MKRN2: variants seen among roughly 807,000 people sequenced by gnomAD.
The protein encoded by MKRN2 is makorin ring finger protein 2, also known as E3 ubiquitin-protein ligase makorin-2.
Under a neutral mutation model 45.4 loss-of-function variants are expected in MKRN2, and 32 were observed. That is an observed-to-expected ratio of 0.70 (90% CI 0.53 to 0.95). The LOEUF (loss-of-function observed/expected upper bound fraction) is 0.95. MKRN2 is among the 40% of genes least tolerant of loss of function. MKRN2 has a pLI of 0.00. For missense variants in MKRN2, 526 were observed against 536.7 expected, an observed-to-expected ratio of 0.98 and a Z score of 0.20; for synonymous variants, 206 against 192.4, an observed-to-expected ratio of 1.07 and a Z score of -0.59.
chr3:12,576,938 T>TGTTTTTG (rs1553608766), intron 6 of MKRN2, 197 bp downstream of exon 6: 1 of 226,964 alleles, frequency 4.4e-6, no homozygotes. Context: ...TTGGTGTTTT[T>TGTTTTTG]TTTTTTTTTT....
chr3:12,560,266 C>T (rs566776394), intron 1 of MKRN2, among the ~76,000 whole-genome samples: 12 of 152,214 alleles, frequency 7.9e-5, no homozygotes, highest in Admixed American at 7.2e-4. Flanking sequence ...GGCTCAGTGA[C>T]TTAAATAACT....
In MKRN2 at chr3:12,582,881, A is replaced by G. The variant is rs1397199532; in HGVS notation, c.*628A>G. ...TCTTGTTGCCACATGTGCAGCAAACAAAGTGGAAGTATAGATCTTCTTCTC... is the reference window on the plus strand; with the variant it reads ...TCTTGTTGCCACATGTGCAGCAAACGAAGTGGAAGTATAGATCTTCTTCTC... On this transcript the variant is annotated 3_prime_UTR_variant, in exon 8 of 8. Transcript: ENST00000170447. The G allele has an allele frequency of 2.0e-5, 3 of 152,644 alleles. No individual in the cohort carries two copies. The highest frequency in any genetic ancestry group is 3.8e-4 in the East Asian group (2 of 5,200). 9.5% of individuals were successfully genotyped at this position (152,644 alleles called of 1,614,324 possible).
chr3:12,563,695 G>T (rs79092432), intron 1 of MKRN2, among the ~76,000 whole-genome samples: 1 of 10,870 alleles, frequency 9.2e-5, no homozygotes, highest in African/African-American at 3.9e-4. Context: ...TCACCATGTT[G>T]GCCAGGCTGG....
Position 12,582,809 on chromosome 3 carries a change from G to T in MKRN2, c.*556G>T. 6.5e-6 allele frequency: 1 copy of T among 152,868 alleles called. No individual in the cohort carries two copies. Among genetic ancestry groups the T allele is most frequent in the Non-Finnish European group, 1.5e-5 (1 of 68,448 alleles). The allele number at this position is 152,868 out of a possible 1,614,324, so 9.5% of individuals were successfully genotyped here. A position where few individuals can be genotyped will look rare whatever the true frequency, so the allele number is the denominator to read the frequency against. On this transcript the variant is annotated 3_prime_UTR_variant, in exon 8 of 8. Coordinates refer to ENST00000170447, the MANE Select transcript of MKRN2 (RefSeq NM_014160.5). ...AACTTTTTTCTAGGGCTTTAAGGGT[G>T]GTCATTTTTTTCAAGTTCTCTCAAG... is the stretch of plus-strand genomic sequence containing the variant.
chr3:12,560,327 A>C (rs1488045638), intron 1 of MKRN2, among the ~76,000 whole-genome samples: 3 of 152,038 alleles, frequency 2.0e-5, no homozygotes. Context: ...TCACCACCAC[A>C]CTGTACTTCA....
In MKRN2 at chr3:12,557,111, AGAGGCG is replaced by A. The variant is rs2057980317; in HGVS notation, c.-38_-33del. On this transcript the variant is annotated 5_prime_UTR_variant, in exon 1 of 8. Transcript: ENST00000170447. ...CAAGGCCGAGGCGGCAGCGGCTGCG[AGAGGCG>A]GCGGCACGACGACGGTCCCTCAGCC... is the stretch of plus-strand genomic sequence containing the variant. The A allele has an allele frequency of 2.3e-5, 34 of 1,462,350 alleles. No individual in the cohort carries two copies. Among genetic ancestry groups the A allele is most frequent in the Non-Finnish European group, 3.1e-5 (34 of 1,106,784 alleles). 90.6% of individuals were successfully genotyped at this position (1,462,350 alleles called of 1,614,324 possible).
intron 2 of MKRN2, 78 bp downstream of exon 2, chr3:12,569,081 AT>A (rs2058084261): frequency 6.7e-7 from 1 of 1,483,894 alleles, no homozygotes; most frequent in African/African-American, 1.4e-5. Flanking sequence ...GGAAATTTTA[AT>A]GTAAAAGTAA....
At position 12,572,162 on chromosome 3, in the gene MKRN2, C is replaced by T. The variant is rs768823128; in HGVS notation, c.431C>T (p.Pro144Leu). The T allele has an allele frequency of 7.4e-6, 12 of 1,614,010 alleles. No homozygotes were observed. Among genetic ancestry groups the T allele is most frequent in the East Asian group, 2.2e-5 (1 of 44,880 alleles). ...SDPQPSPEMK[P>L]HSYLDAIRSG... ...CCCCAGCCCAGCCCCGAGATGAAGC[C>T]GCATTCCTACCTGGATGCCATCAGG... is the stretch of plus-strand genomic sequence containing the variant. The change falls in exon 4 of 8, where the codon CCG becomes CTG. Residue 144 changes from proline (P) to leucine (L), a missense_variant. Transcript: ENST00000170447.
Position 12,581,958 on chromosome 3 carries a change from G to T in MKRN2, c.1113+6G>T, listed in dbSNP as rs775613158. ...GTTCTCAAGGCACTGTGAGGGTAAG[G>T]ACTTTAGCCATCTCTAGTTGGGGAC... On this transcript the variant is annotated splice_donor_region_variant and intron_variant, in intron 7 of 7. Transcript: ENST00000170447. The T allele has an allele frequency of 6.2e-7, 1 of 1,613,448 alleles. No homozygotes were observed. Among genetic ancestry groups the T allele is most frequent in the Admixed American group, 1.7e-5 (1 of 59,998 alleles).
intron 1 of MKRN2, chr3:12,560,937 CAT>C (rs1039160962): frequency 6.6e-6 from 1 of 152,186 alleles, no homozygotes; most frequent in African/African-American, 2.4e-5. Flanking sequence ...ATCAGTATAA[CAT>C]AGATGGAGAG....
At chr3:12,558,683 G>C (rs946506010) in intron 1 of MKRN2, among the ~76,000 whole-genome samples, 1 of 152,108 alleles carries the variant, frequency 6.6e-6, no homozygotes, top group Non-Finnish European at 1.5e-5. Flanking sequence ...GGATCATCTT[G>C]GTTTTTTCCT....
chr3:12,578,997 T>C (rs1318599027), intron 6 of MKRN2, among the ~76,000 whole-genome samples: 1 of 151,898 alleles, frequency 6.6e-6, no homozygotes, highest in African/African-American at 2.4e-5. Context: ...TCCCAGCCTG[T>C]AGAAAGGGGC....
intron 3 of MKRN2, among the ~76,000 whole-genome samples, chr3:12,571,600 G>A (rs145833156): frequency 1.5e-3 from 228 of 152,230 alleles, no homozygotes; most frequent in South Asian, 7.1e-3. Flanking sequence ...GGTGACCATG[G>A]GGCAGTTTAC....
chr3:12,576,401 G>A (rs1194262223), intron 5 of MKRN2, among the ~76,000 whole-genome samples: 4 of 152,018 alleles, frequency 2.6e-5, no homozygotes, highest in East Asian at 1.9e-4. Context: ...CCCCTGCACC[G>A]ACAGGCCCCG....
chr3:12,564,160 G>A (rs2058056575), intron 1 of MKRN2, among the ~76,000 whole-genome samples: 1 of 151,954 alleles, frequency 6.6e-6, no homozygotes, highest in African/African-American at 2.4e-5. Context: ...TGATCCGGCT[G>A]GTCTCAAATT....
Position 12,572,114 on chromosome 3 carries a change from G to T in MKRN2, c.383G>T (p.Ser128Ile). The T allele has an allele frequency of 1.2e-6, 2 of 1,613,748 alleles. No individual in the cohort carries two copies. The highest frequency in any genetic ancestry group is 1.7e-6 in the Non-Finnish European group (2 of 1,179,832). Residue 128 changes from serine (S) to isoleucine (I), a missense_variant, in exon 4 of 8, where the codon AGT becomes ATT. By Grantham distance (142) the Ser-to-Ile change is moderately radical. Coordinates refer to ENST00000170447, the MANE Select transcript of MKRN2 (RefSeq NM_014160.5). ...AGGAAGACCCAGCCGAGCATGGTGA[G>T]TAATCCAGGCAGCTGCAGCGACCCC... ...AERKTQPSMVSNPGSCSDPQP... is the reference protein window; with the variant it reads ...AERKTQPSMVINPGSCSDPQP...
At chr3:12,578,312 CTTTTTTTTTTTTT>C (rs71063833) in intron 6 of MKRN2, among the ~76,000 whole-genome samples, 1 of 71,752 alleles carries the variant, frequency 1.4e-5, no homozygotes, top group African/African-American at 5.7e-5. Flanking sequence ...AGAGCTACTT[CTTTTTTTTTTTTT>C]TTTTTTTTTT....
chr3:12,568,652 C>T (rs1219496943), intron 1 of MKRN2, among the ~76,000 whole-genome samples: 4 of 152,258 alleles, frequency 2.6e-5, no homozygotes, highest in Admixed American at 6.5e-5. Flanking sequence ...TATATGGGAT[C>T]ATTTGTTTTT....
At position 12,582,249 on chromosome 3, in the gene MKRN2, C is replaced by A. The variant is rs1346560043; in HGVS notation, c.1247C>A (p.Pro416His). ...CTTTCTGGAGTGGAATCATCAGAAC[C>A]CTAAAGAGTAGATGGTTGCCCTGCA... ...MHLSGVESSEP is the reference protein window; with the variant it reads ...MHLSGVESSEH The change falls in exon 8 of 8, where the codon CCC becomes CAC. Residue 416 changes from proline (P) to histidine (H), a missense_variant. By Grantham distance (77) the Pro-to-His change is moderately conservative. Coordinates refer to ENST00000170447, the MANE Select transcript of MKRN2 (RefSeq NM_014160.5). The A allele has an allele frequency of 6.2e-7, 1 of 1,613,932 alleles. No individual in the cohort carries two copies. The highest frequency in any genetic ancestry group is 8.5e-7 in the Non-Finnish European group (1 of 1,179,966).
Sources: allele counts gnomAD v4.1 joint callset (sites outside exome capture counted in the v4.1 genomes callset), GRCh38; gene constraint gnomAD v4.1.1; transcripts MANE v1.5; gene names NCBI Gene and HGNC (gene_info 2026-07-23, HGNC 2026-07-21).